NKD1: variants seen among roughly 807,000 people sequenced by gnomAD.
NKD1 encodes protein naked cuticle homolog 1.
In NKD1, 21 loss-of-function variants were observed where a neutral mutation model predicts 56.0. The ratio of observed to expected loss-of-function variants is 0.38; its 90% CI spans 0.27 to 0.54. The LOEUF is 0.54. Ranked by LOEUF, NKD1 falls within the 20% of genes least tolerant of loss-of-function variation. NKD1 has a pLI of 0.82. For missense variants in NKD1, 578 were observed against 642.7 expected, an observed-to-expected ratio of 0.90 and a Z score of 1.09; for synonymous variants, 263 against 265.7, an observed-to-expected ratio of 0.99 and a Z score of 0.10.
chr16:50,630,410 G>A lies in NKD1; in HGVS notation c.610+77G>A, dbSNP rs1270822216. 46 of 1,528,292 alleles carry A rather than the reference G, an allele frequency of 3.0e-5. 1 individual carries two copies. The highest frequency in any genetic ancestry group is 2.9e-4 in the South Asian group (24 of 84,014). 94.7% of individuals were successfully genotyped at this position (1,528,292 alleles called of 1,614,324 possible). On this transcript the variant is annotated intron_variant, in intron 7 of 9. Transcript: ENST00000268459. ...GGAACAGAGCCTTCCTGGGAGGGCC[G>A]GAAGGGAACCTGTGGGCTTTCTGGG...
intron 3 of NKD1, among the ~76,000 whole-genome samples, chr16:50,578,291 T>C (rs910981536): frequency 4.6e-5 from 7 of 152,234 alleles, no homozygotes; most frequent in African/African-American, 1.7e-4. Context: ...ACTAATCACA[T>C]GGCCCCACCC....
intron 3 of NKD1, among the ~76,000 whole-genome samples, chr16:50,577,427 C>G (rs776061654): frequency 6.6e-6 from 1 of 152,188 alleles, no homozygotes; most frequent in Non-Finnish European, 1.5e-5. Context: ...GAAACCATCA[C>G]TACCATCAAG....
chr16:50,616,254 G>A (rs931037775), intron 4 of NKD1: 2 of 340,782 alleles, frequency 5.9e-6, no homozygotes, highest in Non-Finnish European at 1.2e-5. Flanking sequence ...ACTAGGCTAA[G>A]AGAGGGGTCT....
In NKD1 at chr16:50,643,848, T is replaced by A. The variant is rs1485343651; in HGVS notation, c.*10067T>A. On this transcript the variant is annotated 3_prime_UTR_variant, in exon 10 of 10. Transcript: ENST00000268459. ...ATAACTCATGACTGAATGAAGCTTATCTAGCACACATATTTTCTCTGCAAG... is the reference window on the plus strand; with the variant it reads ...ATAACTCATGACTGAATGAAGCTTAACTAGCACACATATTTTCTCTGCAAG... The A allele has an allele frequency of 2.0e-5, 3 of 152,256 alleles. No individual in the cohort carries two copies. The highest frequency in any genetic ancestry group is 7.2e-5 in the African/African-American group (3 of 41,464). 9.4% of individuals were successfully genotyped at this position (152,256 alleles called of 1,614,324 possible). A position where few individuals can be genotyped will look rare whatever the true frequency, so the allele number is the denominator to read the frequency against.
intron 3 of NKD1, among the ~76,000 whole-genome samples, chr16:50,563,750 C>T (rs1258674047): frequency 7.0e-6 from 1 of 142,896 alleles, no homozygotes; most frequent in Non-Finnish European, 1.5e-5. Flanking sequence ...CCCTGTGTGT[C>T]AGGCTAAGCT....
intron 4 of NKD1, among the ~76,000 whole-genome samples, chr16:50,613,908 C>G (rs556127079): frequency 9.2e-5 from 14 of 152,172 alleles, no homozygotes; most frequent in Non-Finnish European, 1.6e-4. Context: ...CAGCCTTATG[C>G]TCTGATGAGG....
chr16:50,548,416 G>T lies in NKD1; in HGVS notation c.-138G>T, dbSNP rs1164633636. 5.9e-6 allele frequency: 2 copies of T among 339,458 alleles called. No homozygotes were observed. Among genetic ancestry groups the T allele is most frequent in the Non-Finnish European group, 9.1e-6 (2 of 220,342 alleles). The allele number at this position is 339,458 out of a possible 1,614,324, so 21.0% of individuals were successfully genotyped here. Reference sequence around the variant, plus strand: ...GCGTCAGTCGGGCCGCGGCGACGGCGGCAGGAGCGCGTCCCGGCGCCGCCT... The same window carrying T: ...GCGTCAGTCGGGCCGCGGCGACGGCTGCAGGAGCGCGTCCCGGCGCCGCCT... On this transcript the variant is annotated 5_prime_UTR_variant, in exon 1 of 10. Transcript: ENST00000268459.
At chr16:50,548,979 T>A in intron 2 of NKD1, 3 of 729,956 alleles carry the variant, frequency 4.1e-6, no homozygotes, top group Non-Finnish European at 4.6e-6. Flanking sequence ...CCCCTCCCCC[T>A]CCCGCGTCCC....
intron 3 of NKD1, among the ~76,000 whole-genome samples, chr16:50,573,665 C>A (rs1960933608): frequency 6.6e-6 from 1 of 152,206 alleles, no homozygotes; most frequent in South Asian, 2.1e-4. Context: ...GAGGGTCGCA[C>A]CCTCTCTGAG....
chr16:50,567,674 A>G (rs1308139336), intron 3 of NKD1, among the ~76,000 whole-genome samples: 1 of 152,200 alleles, frequency 6.6e-6, no homozygotes, highest in Non-Finnish European at 1.5e-5. Flanking sequence ...CCCGATCTCA[A>G]CTGAGTCCTT....
At chr16:50,576,739 T>A (rs1308236644) in intron 3 of NKD1, among the ~76,000 whole-genome samples, 1 of 94,904 alleles carries the variant, frequency 1.1e-5, no homozygotes, top group African/African-American at 4.4e-5. Context: ...CATATCTCAA[T>A]AAAGTGCTTT....
chr16:50,559,266 G>T (rs1567333974), intron 3 of NKD1, among the ~76,000 whole-genome samples: 2 of 152,260 alleles, frequency 1.3e-5, no homozygotes, highest in African/African-American at 2.4e-5. Context: ...TCACCTGGAT[G>T]TGTGCTCAGT....
chr16:50,623,851 C>CGT lies in NKD1; in HGVS notation c.367-1619_367-1618dup, dbSNP rs142714181. 3.4e-4 allele frequency among the ~76,000 whole-genome samples: 49 copies of CGT among 145,682 alleles called. No individual in the cohort carries two copies. Among genetic ancestry groups the CGT allele is most frequent in the Admixed American group, 1.2e-3 (18 of 14,632 alleles). ...GTGTAGGTACGTGTGTAGGGGTATG[C>CGT]GTGTGTGTGTGTGTGTAGGGGTATG... On this transcript the variant is annotated intron_variant, in intron 5 of 9. Transcript: ENST00000268459. The surrounding 1 kb of genome is among the most constrained non-coding windows in gnomAD (Gnocchi z 4.1).
chr16:50,560,389 C>T (rs958269092), intron 3 of NKD1, among the ~76,000 whole-genome samples: 3 of 152,182 alleles, frequency 2.0e-5, no homozygotes, highest in Non-Finnish European at 4.4e-5. Context: ...CTGCTTGCTG[C>T]GTGTCTGCTG....
At position 50,549,565 on chromosome 16, in the gene NKD1, C is replaced by T; in HGVS notation, c.192+10C>T. The stretch of plus-strand genomic sequence containing the variant: ...AGGCCGAAGCACCCGGGTATGATTC[C>T]CCACCCCTGCCCCACCTCCTGGCCT... On this transcript the variant is annotated intron_variant, in intron 3 of 9. Transcript: ENST00000268459. 2 of 1,559,862 alleles carry T rather than the reference C, an allele frequency of 1.3e-6. No individual in the cohort carries two copies. Among genetic ancestry groups the T allele is most frequent in the Non-Finnish European group, 1.7e-6 (2 of 1,150,402 alleles).
rs1364074515 is a variant in NKD1, at chr16:50,649,075, A to G, written c.*15294A>G. 6.6e-6 allele frequency: 1 copy of G among 152,216 alleles called. No individual in the cohort carries two copies. The highest frequency in any genetic ancestry group is 1.5e-5 in the Non-Finnish European group (1 of 68,040). 9.4% of individuals were successfully genotyped at this position (152,216 alleles called of 1,614,324 possible). A position where few individuals can be genotyped will look rare whatever the true frequency, so the allele number is the denominator to read the frequency against. On this transcript the variant is annotated 3_prime_UTR_variant, in exon 10 of 10. Transcript: ENST00000268459. The stretch of plus-strand genomic sequence containing the variant: ...AATTGTAAGTGAAATTGCTTTCCTG[A>G]TAGCAAACCTGTTGGATTTTCTCCA...
chr16:50,577,439 C>T (rs188318497), intron 3 of NKD1, among the ~76,000 whole-genome samples: 50 of 152,298 alleles, frequency 3.3e-4, no homozygotes, highest in South Asian at 6.2e-4. Context: ...ACCATCAAGG[C>T]CATAGACATG....
chr16:50,571,409 G>A, intron 3 of NKD1: 1 of 861,062 alleles, frequency 1.2e-6, no homozygotes, highest in Non-Finnish European at 1.4e-6. Flanking sequence ...TTGGGGGTTG[G>A]TAGGGACCTT....
rs1961208051 is a variant in NKD1 at position 50,585,480 on chromosome 16, C to T, written c.193-22814C>T. On this transcript the variant is annotated intron_variant, in intron 3 of 9. Transcript: ENST00000268459. Reference sequence around the variant, plus strand: ...CGTGCATCCTGGGCCTTGGAAGAATCTGAGTGCCCTGGGCAGCAGGCCCGA... The same window carrying T: ...CGTGCATCCTGGGCCTTGGAAGAATTTGAGTGCCCTGGGCAGCAGGCCCGA... Among the ~76,000 whole-genome samples, 4 of 152,364 alleles carry T rather than the reference C, an allele frequency of 2.6e-5. No homozygotes were observed. The South Asian group carries it at 8.3e-4, about 32-fold the overall frequency.
Sources: gnomAD v4.1 joint callset for allele counts (sites outside exome capture counted in the v4.1 genomes callset) on GRCh38, gnomAD v4.1.1 for gene constraint, Gnocchi (gnomAD v3.1) non-coding constraint, MANE v1.5 for transcripts, NCBI Gene and HGNC (gene_info 2026-07-23, HGNC 2026-07-21) for gene names.